The following TBC1D17 variants were observed in gnomAD, a reference collection of about 807,000 sequenced individuals.
The protein encoded by TBC1D17 is TBC1 domain family, member 17.
Under a neutral mutation model 78.8 loss-of-function variants are expected in TBC1D17, and 69 were observed. The ratio of observed to expected loss-of-function variants is 0.88; its 90% CI spans 0.72 to 1.07. The LOEUF is 1.07. Among genes scored for constraint, TBC1D17 ranks in the 50% least tolerant of loss-of-function variants. TBC1D17 has a pLI of 0.00. For synonymous variants in TBC1D17, 456 were observed against 358.3 expected (o/e 1.27, Z -3.08); for missense variants, 957 against 861.0 (o/e 1.11, Z -1.39).
At position 49,882,241 on chromosome 19, in the gene TBC1D17, G is replaced by C. The variant is rs761057218; in HGVS notation, c.640-1G>C. 1 of 1,612,234 alleles carries C rather than the reference G, an allele frequency of 6.2e-7. No homozygotes were observed. The highest frequency in any genetic ancestry group is 8.5e-7 in the Non-Finnish European group (1 of 1,179,950). On this transcript the variant is annotated splice_acceptor_variant, in intron 6 of 16. Coordinates refer to ENST00000221543, the MANE Select transcript of TBC1D17 (RefSeq NM_024682.3). LOFTEE classifies it high-confidence loss of function. ...TGACCTCCCTTTGGCCTCGTCCCCA[G>C]CGCTTCCTCCAGGATCCCTACTCCA...
At position 49,878,530 on chromosome 19, in the gene TBC1D17, A is replaced by G; in HGVS notation, c.153A>G (p.Val51=). 6.2e-7 allele frequency: 1 copy of G among 1,614,132 alleles called. No individual in the cohort carries two copies. The highest frequency in any genetic ancestry group is 8.5e-7 in the Non-Finnish European group (1 of 1,180,002). The part of the protein sequence containing the change: ...DNDVLLHWAP[V]EEAGDSTQIL... The stretch of plus-strand genomic sequence containing the variant: ...ACGTCCTCCTGCACTGGGCTCCTGT[A>G]GAGGAGGCTGGAGATTCCACCCAAA... The change falls in exon 3 of 17, where the codon GTA becomes GTG. Residue 51 remains valine (V), a synonymous_variant. Transcript: ENST00000221543.
rs778551782 is a variant in TBC1D17, at chr19:49,888,413, C to G, written c.1747-11C>G. 4 of 1,597,438 alleles carry G rather than the reference C, an allele frequency of 2.5e-6. No individual in the cohort carries two copies. Among genetic ancestry groups the G allele is most frequent in the Non-Finnish European group, 3.4e-6 (4 of 1,175,732 alleles). On this transcript the variant is annotated splice_polypyrimidine_tract_variant and intron_variant, in intron 16 of 16. Coordinates refer to ENST00000221543, the MANE Select transcript of TBC1D17 (RefSeq NM_024682.3). ...CTTCCGCTTTTCGCTTCTCTCATCC[C>G]GTGCCTCCAGGAGCTGCCCCACAAC...
At chr19:49,880,469 G>A in intron 4 of TBC1D17, 67 bp downstream of exon 4, 1 of 1,575,788 alleles carries the variant, frequency 6.3e-7, no homozygotes, top group Non-Finnish European at 8.6e-7. Context: ...GCCCTCAGTG[G>A]TCACGGTCCC....
At chr19:49,883,797 G>A in intron 10 of TBC1D17, 52 bp downstream of exon 10, 1 of 1,506,224 alleles carries the variant, frequency 6.6e-7, no homozygotes, top group Non-Finnish European at 9.2e-7. Flanking sequence ...AACCACAGGA[G>A]GGCCTCAGGC....
chr19:49,884,952 C>T (rs1023570329), intron 13 of TBC1D17, among the ~76,000 whole-genome samples, 194 bp downstream of exon 13: 6 of 152,246 alleles, frequency 3.9e-5, no homozygotes, highest in African/African-American at 9.6e-5. Flanking sequence ...CGCAGGAATG[C>T]TGACTCACCC....
chr19:49,878,055 G>A (rs1017151224), intron 1 of TBC1D17, 88 bp from the exon 2 acceptor site: 1 of 1,109,422 alleles, frequency 9.0e-7, no homozygotes, highest in Non-Finnish European at 1.3e-6. Flanking sequence ...CCCCCTGAGG[G>A]TGGCTCCTCC....
chr19:49,877,742 AG>A lies in TBC1D17; in HGVS notation c.21+1del. On this transcript the variant is annotated frameshift_variant and splice_region_variant, in exon 1 of 17. Transcript: ENST00000221543. LOFTEE classifies it high-confidence loss of function. MEGAGY[R>X]VVFEKGGVYL... ...GGCGACTATGGAAGGAGCCGGCTACAGGGTAAGCACTGAGGACGCATTCCCT... is the reference window on the plus strand; with the variant it reads ...GGCGACTATGGAAGGAGCCGGCTACAGGTAAGCACTGAGGACGCATTCCCT... 6.3e-7 allele frequency: 1 copy of A among 1,596,208 alleles called. No individual in the cohort carries two copies. The highest frequency in any genetic ancestry group is 1.3e-5 in the African/African-American group (1 of 74,944).
rs748041922 is a variant in TBC1D17, at chr19:49,884,483, T to A, written c.1268T>A (p.Leu423His). The A allele has an allele frequency of 6.2e-7, 1 of 1,614,016 alleles. No individual in the cohort carries two copies. Among genetic ancestry groups the A allele is most frequent in the East Asian group, 2.2e-5 (1 of 44,890 alleles). ...GGCTACGTCCAGGGCATGAGTGATCTTCTCTCCCCGATCCTCTACGTCATT... is the reference window on the plus strand; with the variant it reads ...GGCTACGTCCAGGGCATGAGTGATCATCTCTCCCCGATCCTCTACGTCATT... ...DLGYVQGMSD[L>H]LSPILYVIQN... The change falls in exon 12 of 17, where the codon CTT (leucine) becomes CAT (histidine). Residue 423 changes from leucine (L) to histidine (H), a missense_variant. Leu to His is a moderately conservative substitution (Grantham distance 99, BLOSUM62 -3). Coordinates refer to ENST00000221543, the MANE Select transcript of TBC1D17 (RefSeq NM_024682.3).
At chr19:49,885,292 A>G in intron 13 of TBC1D17, 1 of 159,580 alleles carries the variant, frequency 6.3e-6, no homozygotes, top group Non-Finnish European at 1.4e-5. Flanking sequence ...CTAAAAATAC[A>G]AAATTAGCTG....
intron 13 of TBC1D17, chr19:49,887,122 C>G (rs970614976): frequency 9.1e-6 from 3 of 328,340 alleles, no homozygotes; most frequent in African/African-American, 2.2e-5. Flanking sequence ...CAGGCGTGCG[C>G]CATCGCACCC....
In TBC1D17 at chr19:49,884,316, TG is replaced by T; in HGVS notation, c.1193del (p.Gly398AlafsTer3). 1 of 1,614,032 alleles carries T rather than the reference TG, an allele frequency of 6.2e-7. No homozygotes were observed. Among genetic ancestry groups the T allele is most frequent in the Non-Finnish European group, 8.5e-7 (1 of 1,180,028 alleles). On this transcript the variant is annotated frameshift_variant, in exon 11 of 17. Coordinates refer to ENST00000221543, the MANE Select transcript of TBC1D17 (RefSeq NM_024682.3). LOFTEE classifies it high-confidence loss of function. ...KFYEGPENPG[L>X]GLLNDILLTY... ...TACGAGGGTCCCGAGAACCCGGGGC[TG>T]GGCCTGCTGAACGATATCCTCCTCA...
At chr19:49,879,849 CTTTT>C (rs35413614) in intron 3 of TBC1D17, among the ~76,000 whole-genome samples, 5 of 119,456 alleles carry the variant, frequency 4.2e-5, no homozygotes, top group South Asian at 5.5e-4. Context: ...TTTCTTTTTT[CTTTT>C]TTTTTTTTTT....
intron 3 of TBC1D17, chr19:49,878,948 G>C (rs557113256): frequency 8.5e-6 from 2 of 236,174 alleles, no homozygotes; most frequent in Non-Finnish European, 1.7e-5. Flanking sequence ...ACTGCTCCCG[G>C]CTTTCCCTTC....
In TBC1D17 at chr19:49,888,485, C is replaced by T; in HGVS notation, c.1808C>T (p.Pro603Leu). 6.3e-7 allele frequency: 1 copy of T among 1,585,874 alleles called. No individual in the cohort carries two copies. The highest frequency in any genetic ancestry group is 1.1e-5 in the South Asian group (1 of 88,324). The change falls in exon 17 of 17, where the codon CCC becomes CTC. Residue 603 changes from proline (P) to leucine (L), a missense_variant. By Grantham distance (98) the Pro-to-Leu change is moderately conservative. Transcript: ENST00000221543. Reference protein sequence around the residue: ...GLAPPAEPHSPSPTASPLPLS... With the variant: ...GLAPPAEPHSLSPTASPLPLS... ...GCCCCGCCCGCAGAGCCCCACAGCC[C>T]CTCGCCCACCGCCTCCCCGCTGCCT...
chr19:49,884,582 G>A (rs2075043718), intron 12 of TBC1D17, 23 bp downstream of exon 12: 1 of 1,614,012 alleles, frequency 6.2e-7, no homozygotes, highest in East Asian at 2.2e-5. Flanking sequence ...TCAGGGGTGG[G>A]ACACAGGCCT....
intron 15 of TBC1D17, 52 bp from the exon 16 acceptor site, chr19:49,888,179 C>G: frequency 1.3e-6 from 2 of 1,550,924 alleles, no homozygotes; most frequent in Non-Finnish European, 1.7e-6. Context: ...AGTGGGCGCT[C>G]GGGCGGAGGT....
intron 2 of TBC1D17, 86 bp downstream of exon 2, chr19:49,878,327 T>G: frequency 7.3e-7 from 1 of 1,375,748 alleles, no homozygotes; most frequent in Non-Finnish European, 1.0e-6. Context: ...AGGAGTTTGG[T>G]CTGGCGGTCA....
intron 2 of TBC1D17, 100 bp from the exon 3 acceptor site, chr19:49,878,398 G>T: frequency 1.5e-6 from 2 of 1,341,226 alleles, no homozygotes; most frequent in South Asian, 2.4e-5. Flanking sequence ...ACTTTGAAAG[G>T]CTGAGGGTAG....
At chr19:49,882,581 T>C (rs1334784354) in intron 7 of TBC1D17, among the ~76,000 whole-genome samples, 181 bp downstream of exon 7, 1 of 152,152 alleles carries the variant, frequency 6.6e-6, no homozygotes, top group African/African-American at 2.4e-5. Context: ...TGCTCACCCT[T>C]ATTGGGGGAC....
Sources: allele counts gnomAD v4.1 joint callset (sites outside exome capture counted in the v4.1 genomes callset), GRCh38; gene constraint gnomAD v4.1.1; transcripts MANE v1.5; gene names NCBI Gene and HGNC (gene_info 2026-07-23, HGNC 2026-07-21).